The following UBE2E2 variants were observed in gnomAD, a reference collection of about 807,000 sequenced individuals.
The protein encoded by UBE2E2 is ubiquitin conjugating enzyme E2 E2.
A neutral mutation model predicts 24.7 loss-of-function variants in UBE2E2; 6 were observed. The ratio of observed to expected loss-of-function variants is 0.24; its 90% CI spans 0.13 to 0.48. UBE2E2 has a LOEUF of 0.48. Among genes scored for constraint, UBE2E2 ranks in the 20% least tolerant of loss-of-function variants. The pLI is 0.99. For synonymous variants in UBE2E2, 104 were observed against 83.6 expected (o/e 1.24, Z -1.33); for missense variants, 169 against 245.0 (o/e 0.69, Z 2.07).
intron 3 of UBE2E2, among the ~76,000 whole-genome samples, chr3:23,365,875 A>G (rs186219573): frequency 5.3e-5 from 8 of 152,358 alleles, no homozygotes; most frequent in African/African-American, 1.7e-4. Flanking sequence ...TTACAAGGCT[A>G]CGATAACCAA....
At chr3:23,449,222 A>G (rs1698501374) in intron 3 of UBE2E2, among the ~76,000 whole-genome samples, 1 of 152,186 alleles carries the variant, frequency 6.6e-6, no homozygotes, top group Admixed American at 6.5e-5. Flanking sequence ...AGAAGTGAAA[A>G]CATTTGGTAA....
chr3:23,332,155 T>C (rs6769167), intron 3 of UBE2E2, among the ~76,000 whole-genome samples: 18,864 of 152,210 alleles, frequency 0.12, 1,228 homozygotes, highest in South Asian at 0.23. Flanking sequence ...TTTCCACTTT[T>C]TTTTCTTTTT....
At chr3:23,217,178 T>C in intron 2 of UBE2E2, 84 bp from the exon 3 acceptor site, 1 of 1,244,866 alleles carries the variant, frequency 8.0e-7, no homozygotes, top group Non-Finnish European at 1.2e-6. Context: ...AAGGGAAATG[T>C]TATTAAAATG....
At chr3:23,416,539 T>G (rs1441425021) in intron 3 of UBE2E2, among the ~76,000 whole-genome samples, 1 of 152,162 alleles carries the variant, frequency 6.6e-6, no homozygotes, top group Non-Finnish European at 1.5e-5. Context: ...TTGGGGTTGC[T>G]CTTCTTGAGG....
intron 3 of UBE2E2, 126 bp from the exon 4 acceptor site, chr3:23,499,482 G>T: frequency 8.7e-7 from 1 of 1,142,988 alleles, no homozygotes. Flanking sequence ...ATCTTAACAT[G>T]AGAGTTAACT....
At chr3:23,481,360 T>C (rs1328231803) in intron 3 of UBE2E2, among the ~76,000 whole-genome samples, 1 of 152,252 alleles carries the variant, frequency 6.6e-6, no homozygotes, top group Non-Finnish European at 1.5e-5. Context: ...TGGCCATCTT[T>C]AGAAGGAAAT....
At chr3:23,508,087 A>C (rs1236277816) in intron 4 of UBE2E2, among the ~76,000 whole-genome samples, 1 of 152,220 alleles carries the variant, frequency 6.6e-6, no homozygotes, top group East Asian at 1.9e-4. Context: ...GTTTGCTTAC[A>C]TCACATGAGT....
chr3:23,574,859 C>T (rs1307997056), intron 5 of UBE2E2, among the ~76,000 whole-genome samples: 2 of 152,196 alleles, frequency 1.3e-5, no homozygotes, highest in East Asian at 3.8e-4. Flanking sequence ...TTTATGCCAG[C>T]AGCTGTTGCT....
intron 3 of UBE2E2, among the ~76,000 whole-genome samples, chr3:23,299,275 CTA>C (rs1214732316): frequency 6.6e-6 from 1 of 152,128 alleles, no homozygotes; most frequent in East Asian, 1.9e-4. Flanking sequence ...TTTTGTGTCT[CTA>C]TTTCCTTCAG....
intron 3 of UBE2E2, among the ~76,000 whole-genome samples, chr3:23,284,954 G>C (rs1461065113): frequency 7.6e-6 from 1 of 131,040 alleles, no homozygotes; most frequent in South Asian, 2.4e-4. Flanking sequence ...CTTCTTGTTG[G>C]AAAAAAAAAT....
At chr3:23,312,583 G>A (rs1316682811) in intron 3 of UBE2E2, among the ~76,000 whole-genome samples, 2 of 151,542 alleles carry the variant, frequency 1.3e-5, no homozygotes, top group East Asian at 3.9e-4. Context: ...GAGTTCAGTT[G>A]TTTTGTTGAT....
chr3:23,581,484 T>C (rs1345953017), intron 5 of UBE2E2, among the ~76,000 whole-genome samples: 2 of 152,192 alleles, frequency 1.3e-5, no homozygotes, highest in Non-Finnish European at 2.9e-5. Context: ...CAAATACATA[T>C]TTGTTTTCAA....
At chr3:23,375,484 CGAGAA>C (rs1696498807) in intron 3 of UBE2E2, among the ~76,000 whole-genome samples, 1 of 151,948 alleles carries the variant, frequency 6.6e-6, no homozygotes, top group Non-Finnish European at 1.5e-5. Flanking sequence ...TATAATCTGG[CGAGAA>C]GACTTGGACA....
At chr3:23,380,383 G>A (rs1303090148) in intron 3 of UBE2E2, among the ~76,000 whole-genome samples, 2 of 152,086 alleles carry the variant, frequency 1.3e-5, no homozygotes, top group Admixed American at 1.3e-4. Flanking sequence ...GTGCCGCTAT[G>A]CCCAGCTGAT....
At chr3:23,255,626 G>A (rs766911646) in intron 3 of UBE2E2, among the ~76,000 whole-genome samples, 1 of 152,122 alleles carries the variant, frequency 6.6e-6, no homozygotes, top group Non-Finnish European at 1.5e-5. Context: ...ATCTAGGTGG[G>A]AAGTGATCAG....
At chr3:23,247,387 G>A (rs975497779) in intron 3 of UBE2E2, among the ~76,000 whole-genome samples, 8 of 145,828 alleles carry the variant, frequency 5.5e-5, no homozygotes, top group Admixed American at 3.4e-4. Flanking sequence ...ACGGAGTCTC[G>A]CTCTGTCACC....
intron 5 of UBE2E2, among the ~76,000 whole-genome samples, chr3:23,542,201 A>C (rs1170455068): frequency 6.6e-6 from 1 of 152,140 alleles, no homozygotes; most frequent in Non-Finnish European, 1.5e-5. Context: ...GTATTTTTTA[A>C]TCTTGGTAAT....
intron 3 of UBE2E2, among the ~76,000 whole-genome samples, chr3:23,233,134 T>C (rs903519): frequency 0.27 from 40,390 of 152,048 alleles, 5,737 homozygotes; most frequent in Non-Finnish European, 0.32. Flanking sequence ...GAGTTGGCAA[T>C]AGCCTGAGCC....
intron 2 of UBE2E2, among the ~76,000 whole-genome samples, chr3:23,210,316 C>T (rs751890461): frequency 1.3e-5 from 2 of 152,110 alleles, no homozygotes; most frequent in Non-Finnish European, 2.9e-5. Context: ...TTGGCCAGGT[C>T]TGTGGGGAAT....
Sources: gnomAD v4.1 joint callset for allele counts (sites outside exome capture counted in the v4.1 genomes callset) on GRCh38, gnomAD v4.1.1 for gene constraint, MANE v1.5 for transcripts, NCBI Gene and HGNC (gene_info 2026-07-23, HGNC 2026-07-21) for gene names.